SDK1: variants seen among roughly 807,000 people sequenced by gnomAD.
The protein encoded by SDK1 is sidekick cell adhesion molecule 1.
In SDK1, 157 loss-of-function variants were observed where a neutral mutation model predicts 245.5. That is an observed-to-expected ratio of 0.64 (90% CI 0.56 to 0.73). The LOEUF (loss-of-function observed/expected upper bound fraction) is 0.73. SDK1 is among the 30% of genes least tolerant of loss of function. SDK1 has a pLI of 0.00. For synonymous variants in SDK1, 1,647 were observed against 1,278.5 expected (o/e 1.29, Z -6.15); for missense variants, 3,583 against 3,002.3 (o/e 1.19, Z -4.52).
chr7:3,625,410 C>G (rs573378722), intron 2 of SDK1, among the ~76,000 whole-genome samples: 1 of 152,288 alleles, frequency 6.6e-6, no homozygotes, highest in South Asian at 2.1e-4. Flanking sequence ...AGTTCTGTCT[C>G]TAATAACTTG....
intron 4 of SDK1, among the ~76,000 whole-genome samples, chr7:3,766,998 G>A (rs1253751557): frequency 1.3e-5 from 2 of 152,170 alleles, no homozygotes; most frequent in Non-Finnish European, 2.9e-5. Flanking sequence ...TTGGAAATTA[G>A]GAGCATATTA....
At chr7:3,805,229 ACCC>A in intron 4 of SDK1, among the ~76,000 whole-genome samples, 1 of 152,174 alleles carries the variant, frequency 6.6e-6, no homozygotes, top group Non-Finnish European at 1.5e-5. Context: ...GTATTCTGAA[ACCC>A]TTGCTGAACT....
chr7:3,846,962 C>G lies in SDK1; in HGVS notation c.847+25379C>G, dbSNP rs114864984. ...AGAGGTCTATGTTGGTCCTCATCAC[C>G]TTGGCCCTACTGCGCGGCTGGCTGT... On this transcript the variant is annotated intron_variant, in intron 5 of 44. Transcript: ENST00000404826. Among the ~76,000 whole-genome samples, 1,373 of 152,276 alleles carry G rather than the reference C, an allele frequency of 9.0e-3. 23 individuals carry two copies. Among genetic ancestry groups the G allele is most frequent in the African/African-American group, 0.031 (1,307 of 41,548 alleles).
At chr7:4,013,143 G>T (rs553265958) in intron 16 of SDK1, among the ~76,000 whole-genome samples, 31 of 152,314 alleles carry the variant, frequency 2.0e-4, no homozygotes, top group Non-Finnish European at 3.7e-4. Flanking sequence ...TGTGGCTGAA[G>T]GGTAGCCAGT....
intron 4 of SDK1, among the ~76,000 whole-genome samples, chr7:3,721,860 T>A (rs1490956988): frequency 6.6e-6 from 1 of 152,214 alleles, no homozygotes; most frequent in African/African-American, 2.4e-5. Context: ...CTGTCGGCCA[T>A]CCTTAAGCTC....
intron 1 of SDK1, among the ~76,000 whole-genome samples, chr7:3,588,752 T>C (rs761411219): frequency 6.6e-6 from 1 of 152,216 alleles, no homozygotes; most frequent in Non-Finnish European, 1.5e-5. Context: ...AGTTCTAGAA[T>C]AAAATAGTTT....
chr7:3,555,009 C>T (rs921101548), intron 1 of SDK1, among the ~76,000 whole-genome samples: 1 of 152,106 alleles, frequency 6.6e-6, no homozygotes, highest in Non-Finnish European at 1.5e-5. Flanking sequence ...CCATATTACC[C>T]AGGGCAATCT....
chr7:3,772,135 C>T (rs1253029229), intron 4 of SDK1, among the ~76,000 whole-genome samples: 3 of 152,150 alleles, frequency 2.0e-5, no homozygotes, highest in South Asian at 4.1e-4. Flanking sequence ...CTGCTTCCGT[C>T]ATGTTGCTAT....
In SDK1 at chr7:3,466,132, A is replaced by C. The variant is rs181776957; in HGVS notation, c.299-152948A>C. Among the ~76,000 whole-genome samples the C allele has an allele frequency of 2.6e-5, 4 of 152,040 alleles. No homozygotes were observed. The East Asian group carries it at 7.8e-4, about 30-fold the overall frequency. ...ACCATGTGGAGCAGGACTGCTGGAC[A>C]TGTTGCCAGCCATGACCGAGCACCT... On this transcript the variant is annotated intron_variant, in intron 1 of 44. Coordinates refer to ENST00000404826, the MANE Select transcript of SDK1 (RefSeq NM_152744.4).
At chr7:3,394,505 G>C (rs990504916) in intron 1 of SDK1, among the ~76,000 whole-genome samples, 1 of 151,792 alleles carries the variant, frequency 6.6e-6, no homozygotes, top group Non-Finnish European at 1.5e-5. Context: ...TATTCTAAAT[G>C]TTTTGCATTT....
chr7:3,581,678 G>A (rs958411248), intron 1 of SDK1, among the ~76,000 whole-genome samples: 9 of 152,154 alleles, frequency 5.9e-5, no homozygotes, highest in Admixed American at 3.3e-4. Context: ...ATCGTTCTAC[G>A]ACAAAGACAC....
At position 3,443,326 on chromosome 7, in the gene SDK1, T is replaced by C. The variant is rs1175161428; in HGVS notation, c.298+141442T>C. ...TTTTAGAATAGGAATAAGGTAAAAA[T>C]ACTCAACAGAGATAATGGTAGCTTG... is the stretch of plus-strand genomic sequence containing the variant. On this transcript the variant is annotated intron_variant, in intron 1 of 44. Coordinates refer to ENST00000404826, the MANE Select transcript of SDK1 (RefSeq NM_152744.4). 1.3e-5 allele frequency among the ~76,000 whole-genome samples: 2 copies of C among 152,170 alleles called. 1 individual carries two copies. Among genetic ancestry groups the C allele is most frequent in the East Asian group, 3.8e-4 (2 of 5,200 alleles).
intron 4 of SDK1, among the ~76,000 whole-genome samples, chr7:3,802,449 C>G (rs1026912587): frequency 6.6e-6 from 1 of 152,080 alleles, no homozygotes; most frequent in South Asian, 2.1e-4. Flanking sequence ...GTGGGAGGAT[C>G]ACTTGAACCA....
chr7:3,830,144 T>C (rs1779878759), intron 5 of SDK1, among the ~76,000 whole-genome samples: 1 of 152,130 alleles, frequency 6.6e-6, no homozygotes, highest in Non-Finnish European at 1.5e-5. Context: ...GTGGCAGATT[T>C]TGCACAGTGA....
In SDK1 at chr7:3,838,789, C is replaced by T. The variant is rs79630386; in HGVS notation, c.847+17206C>T. Among the ~76,000 whole-genome samples the T allele has an allele frequency of 2.6e-5, 4 of 152,248 alleles. No homozygotes were observed. In the East Asian group the frequency reaches 7.7e-4, roughly 29 times the overall value. ...AGGAGACCATGCAGTGGGTGTCGAT[C>T]AAAATGTTTGCACTCTTGTCTTTCT... On this transcript the variant is annotated intron_variant, in intron 5 of 44. Coordinates refer to ENST00000404826, the MANE Select transcript of SDK1 (RefSeq NM_152744.4).
chr7:3,817,080 T>C (rs1295750407), intron 4 of SDK1, among the ~76,000 whole-genome samples: 1 of 152,204 alleles, frequency 6.6e-6, no homozygotes. Flanking sequence ...TTGATGTGGA[T>C]ATTACCACCC....
chr7:3,346,914 TC>T (rs1441946590), intron 1 of SDK1, among the ~76,000 whole-genome samples: 3 of 140,874 alleles, frequency 2.1e-5, no homozygotes, highest in Non-Finnish European at 4.6e-5. Flanking sequence ...CAAGTGATCC[TC>T]CTGATTCTGC....
chr7:3,496,032 A>T (rs916532220), intron 1 of SDK1, among the ~76,000 whole-genome samples: 4 of 152,150 alleles, frequency 2.6e-5, no homozygotes, highest in Non-Finnish European at 5.9e-5. Context: ...TGTAAAACAC[A>T]CTTAAGTGAT....
intron 5 of SDK1, among the ~76,000 whole-genome samples, chr7:3,877,652 A>G (rs1204488522): frequency 6.6e-6 from 1 of 152,258 alleles, no homozygotes; most frequent in African/African-American, 2.4e-5. Context: ...CTGTAATCCT[A>G]TCACACAGAG....
Sources: gnomAD v4.1 joint callset for allele counts (sites outside exome capture counted in the v4.1 genomes callset) on GRCh38, gnomAD v4.1.1 for gene constraint, MANE v1.5 for transcripts, NCBI Gene and HGNC (gene_info 2026-07-23, HGNC 2026-07-21) for gene names.